B3GALT1: variants seen among roughly 807,000 people sequenced by gnomAD.
B3GALT1 encodes UDP-Gal:betaGlcNAc beta 1,3-galactosyltransferase, polypeptide 1.
Under a neutral mutation model 23.2 loss-of-function variants are expected in B3GALT1, and 10 were observed. The observed-to-expected ratio is 0.43, with a 90% CI of 0.27 to 0.73. B3GALT1 has a LOEUF of 0.73. B3GALT1 is among the 30% of genes least tolerant of loss of function. The pLI is 0.21. For synonymous variants in B3GALT1, 156 were observed against 141.5 expected, an observed-to-expected ratio of 1.10 and a Z score of -0.73; for missense variants, 299 against 405.4, an observed-to-expected ratio of 0.74 and a Z score of 2.25.
chr2:167,731,962 A>T (rs1174878329), intron 3 of B3GALT1, among the ~76,000 whole-genome samples: 1 of 152,054 alleles, frequency 6.6e-6, no homozygotes, highest in Non-Finnish European at 1.5e-5. Context: ...TTTGCTTTTG[A>T]CTTATGACGA....
chr2:167,705,913 G>A (rs1686961429), intron 3 of B3GALT1, among the ~76,000 whole-genome samples: 2 of 152,282 alleles, frequency 1.3e-5, no homozygotes, highest in South Asian at 2.1e-4. Flanking sequence ...ACACGATATT[G>A]GACAGCACAA....
At chr2:167,566,635 T>C (rs1684176070) in intron 2 of B3GALT1, among the ~76,000 whole-genome samples, 1 of 152,184 alleles carries the variant, frequency 6.6e-6, no homozygotes, top group Non-Finnish European at 1.5e-5. Flanking sequence ...TTATGGAGTT[T>C]GCTAATTGAG....
At chr2:167,390,544 C>G (rs1438087582) in intron 1 of B3GALT1, among the ~76,000 whole-genome samples, 1 of 152,130 alleles carries the variant, frequency 6.6e-6, no homozygotes, top group African/African-American at 2.4e-5. Context: ...TACACCACTA[C>G]CTTCTCTTTA....
chr2:167,408,073 GAC>G (rs1559087456), intron 1 of B3GALT1, among the ~76,000 whole-genome samples: 3 of 85,166 alleles, frequency 3.5e-5, no homozygotes, highest in South Asian at 4.0e-4. Context: ...CACACACACA[GAC>G]ACACAAAACT....
At chr2:167,822,372 C>T (rs1689126086) in intron 4 of B3GALT1, among the ~76,000 whole-genome samples, 1 of 152,168 alleles carries the variant, frequency 6.6e-6, no homozygotes. Flanking sequence ...CTTTGTTCCA[C>T]CTCATCCTGT....
intron 4 of B3GALT1, among the ~76,000 whole-genome samples, chr2:167,819,383 T>A (rs60487330): frequency 0.028 from 4,296 of 152,326 alleles, 197 homozygotes; most frequent in African/African-American, 0.098. Flanking sequence ...TAAAAGTCTC[T>A]AAAATAGTGA....
At chr2:167,679,657 A>G (rs755399407) in intron 3 of B3GALT1, among the ~76,000 whole-genome samples, 1 of 152,232 alleles carries the variant, frequency 6.6e-6, no homozygotes, top group African/African-American at 2.4e-5. Context: ...CTCAGAATCC[A>G]TCAGCCTCTA....
chr2:167,321,669 A>G (rs2177440), intron 1 of B3GALT1, among the ~76,000 whole-genome samples: 110,685 of 151,742 alleles, frequency 0.73, 42,475 homozygotes, highest in Non-Finnish European at 0.86. Flanking sequence ...TTATTTTCTC[A>G]GGAATCTTAC....
intron 3 of B3GALT1, among the ~76,000 whole-genome samples, chr2:167,718,924 G>T (rs1379022636): frequency 1.3e-5 from 2 of 152,164 alleles, no homozygotes; most frequent in African/African-American, 4.8e-5. Context: ...AAATGCCAAG[G>T]TGCCTTATTT....
At chr2:167,687,780 A>G (rs1686640936) in intron 3 of B3GALT1, among the ~76,000 whole-genome samples, 1 of 152,272 alleles carries the variant, frequency 6.6e-6, no homozygotes, top group East Asian at 1.9e-4. Context: ...ATTTTTGACT[A>G]TTCATATGAG....
At chr2:167,830,315 T>C (rs35600524) in intron 4 of B3GALT1, among the ~76,000 whole-genome samples, 2 of 151,612 alleles carry the variant, frequency 1.3e-5, no homozygotes, top group Admixed American at 6.6e-5. Context: ...CATACCATTG[T>C]CATTTGGATG....
chr2:167,440,344 GAA>G lies in B3GALT1; in HGVS notation c.-510-49814_-510-49813del, dbSNP rs745706207. On this transcript the variant is annotated intron_variant, in intron 1 of 4. Transcript: ENST00000392690. ...TGGGTAACAGAGCGAGACTCTGTCTGAAAAAAAAAAAAAAAAAAAAGAAATAA... is the reference window on the plus strand; with the variant it reads ...TGGGTAACAGAGCGAGACTCTGTCTGAAAAAAAAAAAAAAAAAAGAAATAA... 2.3e-3 allele frequency among the ~76,000 whole-genome samples: 163 copies of G among 70,106 alleles called. 2 individuals are homozygous for G. The highest frequency in any genetic ancestry group is 6.5e-3 in the African/African-American group (140 of 21,424). 46.0% of individuals were successfully genotyped at this position (70,106 alleles called of 152,430 possible).
chr2:167,695,264 A>G (rs1342639167), intron 3 of B3GALT1, among the ~76,000 whole-genome samples: 1 of 152,154 alleles, frequency 6.6e-6, no homozygotes, highest in Non-Finnish European at 1.5e-5. Context: ...AGATTATTGG[A>G]TAATCTTCTA....
chr2:167,563,882 A>T (rs780164282), intron 2 of B3GALT1, among the ~76,000 whole-genome samples: 1 of 80,182 alleles, frequency 1.2e-5, no homozygotes, highest in Non-Finnish European at 2.6e-5. Context: ...CATCTGCCGG[A>T]CGGGGCGGCC....
chr2:167,622,727 A>T (rs1006236095), intron 2 of B3GALT1, among the ~76,000 whole-genome samples: 2 of 152,150 alleles, frequency 1.3e-5, no homozygotes, highest in Non-Finnish European at 2.9e-5. Flanking sequence ...GAACTAAAAA[A>T]TTATTTCTAT....
intron 2 of B3GALT1, among the ~76,000 whole-genome samples, chr2:167,527,287 T>G (rs1006130331): frequency 6.6e-6 from 1 of 152,132 alleles, no homozygotes; most frequent in Non-Finnish European, 1.5e-5. Flanking sequence ...CTCTCAATAT[T>G]ATGAACTTGG....
chr2:167,575,598 C>T (rs780836676), intron 2 of B3GALT1, among the ~76,000 whole-genome samples: 1 of 151,818 alleles, frequency 6.6e-6, no homozygotes, highest in Non-Finnish European at 1.5e-5. Context: ...GATTATCATT[C>T]AGCTCACACA....
chr2:167,369,973 C>T (rs1697656380), intron 1 of B3GALT1, among the ~76,000 whole-genome samples: 2 of 152,038 alleles, frequency 1.3e-5, no homozygotes, highest in Non-Finnish European at 2.9e-5. Flanking sequence ...AGCCAGAAGA[C>T]ACTGAATTCC....
chr2:167,619,589 ACAAAC>A (rs1685222245), intron 2 of B3GALT1, among the ~76,000 whole-genome samples: 1 of 152,266 alleles, frequency 6.6e-6, no homozygotes, highest in African/African-American at 2.4e-5. Flanking sequence ...ATGAAGGTTA[ACAAAC>A]CAAATTAAGA....
Sources: gnomAD v4.1 joint callset for allele counts (sites outside exome capture counted in the v4.1 genomes callset) on GRCh38, gnomAD v4.1.1 for gene constraint, MANE v1.5 for transcripts, NCBI Gene and HGNC (gene_info 2026-07-23, HGNC 2026-07-21) for gene names.